The following TM4SF1 variants were observed in gnomAD, a reference collection of about 807,000 sequenced individuals.
TM4SF1 encodes transmembrane 4 L6 family member 1.
Under a neutral mutation model 24.5 loss-of-function variants are expected in TM4SF1, and 20 were observed. That is an observed-to-expected ratio of 0.82 (90% CI 0.57 to 1.19). The LOEUF (loss-of-function observed/expected upper bound fraction) is 1.19. Among genes scored for constraint, TM4SF1 ranks in the 50% most tolerant of loss-of-function variants. TM4SF1 has a pLI of 0.00. For missense variants in TM4SF1, 258 were observed against 248.1 expected (o/e 1.04, Z -0.27); for synonymous variants, 107 against 95.4 (o/e 1.12, Z -0.71).
At position 149,371,876 on chromosome 3, in the gene TM4SF1, A is replaced by G. The variant is rs759371514; in HGVS notation, c.414-9T>C. 1.2e-5 allele frequency: 20 copies of G among 1,613,488 alleles called. No homozygotes were observed. Among genetic ancestry groups the G allele is most frequent in the Non-Finnish European group, 1.6e-5 (19 of 1,179,780 alleles). ...AGGTATCCAGAAGGTACCTGTGGGT[A>G]AAAAGAGAAACTTCTGACACACGGT... On this transcript the variant is annotated splice_polypyrimidine_tract_variant and intron_variant, in intron 3 of 4. Transcript: ENST00000305366.
rs201251388 is a variant in TM4SF1, at chr3:149,373,050, C to T, written c.414-1183G>A. Among the ~76,000 whole-genome samples, 231 of 152,270 alleles carry T rather than the reference C, an allele frequency of 1.5e-3. 1 individual carries two copies. Among genetic ancestry groups the T allele is most frequent in the African/African-American group, 5.3e-3 (219 of 41,544 alleles). ...ATATGGAAGAGCCACAGAGGAAGGG[C>T]ATCTAACCTAGTCCAGGGAGAACAG... On this transcript the variant is annotated intron_variant, in intron 3 of 4. Transcript: ENST00000305366.
In TM4SF1 at chr3:149,369,772, A is replaced by G; in HGVS notation, c.*94T>C. On this transcript the variant is annotated 3_prime_UTR_variant, in exon 5 of 5. Coordinates refer to ENST00000305366, the MANE Select transcript of TM4SF1 (RefSeq NM_014220.3). ...AAAAGTAGACTGTGGGGAGTATGTT[A>G]CACTAATACAAAGTTTTACAAATGA... 2 of 1,519,750 alleles carry G rather than the reference A, an allele frequency of 1.3e-6. No homozygotes were observed. The highest frequency in any genetic ancestry group is 1.8e-6 in the Non-Finnish European group (2 of 1,104,654). 94.1% of individuals were successfully genotyped at this position (1,519,750 alleles called of 1,614,324 possible). A position where few individuals can be genotyped will look rare whatever the true frequency, so the allele number is the denominator to read the frequency against.
chr3:149,374,225 G>C (rs1299297784), intron 3 of TM4SF1, among the ~76,000 whole-genome samples: 1 of 152,176 alleles, frequency 6.6e-6, no homozygotes, highest in Non-Finnish European at 1.5e-5. Context: ...GAGATGCAGA[G>C]AGCTCATTTC....
At chr3:149,372,638 T>C (rs1273566605) in intron 3 of TM4SF1, among the ~76,000 whole-genome samples, 2 of 152,210 alleles carry the variant, frequency 1.3e-5, no homozygotes, top group East Asian at 3.9e-4. Flanking sequence ...CTTTACTTTT[T>C]TCTGAGACGG....
chr3:149,376,733 C>G (rs1485810096), intron 1 of TM4SF1, among the ~76,000 whole-genome samples: 2 of 152,160 alleles, frequency 1.3e-5, no homozygotes, highest in African/African-American at 4.8e-5. Flanking sequence ...GTGGTTGAAG[C>G]TAATGCTTTC....
chr3:149,375,967 T>C (rs1333135622), intron 1 of TM4SF1, among the ~76,000 whole-genome samples, 198 bp from the exon 2 acceptor site: 1 of 152,230 alleles, frequency 6.6e-6, no homozygotes, highest in African/African-American at 2.4e-5. Context: ...TTTCATGTAA[T>C]CTGTCAAAGC....
chr3:149,373,271 G>A (rs1731872986), intron 3 of TM4SF1, among the ~76,000 whole-genome samples: 2 of 152,224 alleles, frequency 1.3e-5, no homozygotes, highest in African/African-American at 4.8e-5. Flanking sequence ...GGTGATATCT[G>A]ACTATAGATT....
At chr3:149,373,899 T>A (rs968760420) in intron 3 of TM4SF1, among the ~76,000 whole-genome samples, 8 of 152,212 alleles carry the variant, frequency 5.3e-5, no homozygotes, top group African/African-American at 1.9e-4. Context: ...TTCTTAGAAG[T>A]CTGTTTGTGC....
rs749055221 is a variant in TM4SF1, at chr3:149,377,363, T to G, written c.177+8A>C. 6 of 1,611,064 alleles carry G rather than the reference T, an allele frequency of 3.7e-6. No homozygotes were observed. The African/African-American group carries it at 6.7e-5, about 18-fold the overall frequency. On this transcript the variant is annotated splice_region_variant and intron_variant, in intron 1 of 4. Coordinates refer to ENST00000305366, the MANE Select transcript of TM4SF1 (RefSeq NM_014220.3). ...GAGAGAATTCAGTAATAATCCTGAATGACTTACCAGCAGGCCACCTCCTAC... is the reference window on the plus strand; with the variant it reads ...GAGAGAATTCAGTAATAATCCTGAAGGACTTACCAGCAGGCCACCTCCTAC...
intron 3 of TM4SF1, among the ~76,000 whole-genome samples, chr3:149,372,416 T>C (rs1731846740): frequency 6.6e-6 from 1 of 152,190 alleles, no homozygotes; most frequent in Admixed American, 6.5e-5. Context: ...TAGTTTTTTT[T>C]TTGAACTTTA....
chr3:149,375,406 A>G (rs576760667), intron 3 of TM4SF1, 37 bp downstream of exon 3: 2 of 1,610,456 alleles, frequency 1.2e-6, no homozygotes, highest in African/African-American at 1.3e-5. Context: ...CATGTGGTGG[A>G]TAAAAATGTG....
rs117155364 is a variant in TM4SF1 at position 149,372,785 on chromosome 3, G to A, written c.414-918C>T. 1.3e-3 allele frequency among the ~76,000 whole-genome samples: 205 copies of A among 152,236 alleles called. 3 individuals carry two copies. Among genetic ancestry groups the A allele is most frequent in the East Asian group, 7.7e-4 (4 of 5,170 alleles). On this transcript the variant is annotated intron_variant, in intron 3 of 4. Transcript: ENST00000305366. ...ATTACAGGCGTGAACCACCACGCCC[G>A]GCTGATAGCTCTTCACTTTCATGAT...
chr3:149,371,319 C>T, intron 4 of TM4SF1: 1 of 406,602 alleles, frequency 2.5e-6, no homozygotes, highest in South Asian at 3.4e-5. Flanking sequence ...GAATGGTTGG[C>T]TATTACTTAT....
At chr3:149,371,421 C>A in intron 4 of TM4SF1, 2 of 579,906 alleles carry the variant, frequency 3.4e-6, no homozygotes, top group South Asian at 2.2e-5. Flanking sequence ...GAATTAGATC[C>A]TGAAGGGAGC....
Position 149,371,839 on chromosome 3 carries a change from C to G in TM4SF1, c.442G>C (p.Glu148Gln). The G allele has an allele frequency of 6.2e-7, 1 of 1,613,918 alleles. No homozygotes were observed. Among genetic ancestry groups the G allele is most frequent in the Non-Finnish European group, 8.5e-7 (1 of 1,179,954 alleles). ...QYLLDTSTWS[E>Q]CTEPKHIVEW... ...ACAATGTGCTTGGGTTCAGTGCACT[C>G]GGACCATGTGGAGGTATCCAGAAGG... Residue 148 changes from glutamate (E) to glutamine (Q), a missense_variant, in exon 4 of 5, where the codon GAG becomes CAG. Coordinates refer to ENST00000305366, the MANE Select transcript of TM4SF1 (RefSeq NM_014220.3).
Position 149,377,517 on chromosome 3 carries a change from C to T in TM4SF1, c.31G>A (p.Gly11Arg), listed in dbSNP as rs140965437. The change falls in exon 1 of 5, where the codon GGA becomes AGA. Residue 11 changes from glycine to arginine, a missense_variant. Gly to Arg is a moderately radical substitution (Grantham distance 125, BLOSUM62 -2). Coordinates refer to ENST00000305366, the MANE Select transcript of TM4SF1 (RefSeq NM_014220.3). ...AGGGCGAGCCCCACCAGAGAATGTC[C>T]GATGCATCGTGCACACTTCCCATAG... MCYGKCARCI[G>R]HSLVGLALLC... is the part of the protein sequence containing the mutation. 4.2e-5 allele frequency: 68 copies of T among 1,613,804 alleles called. No individual in the cohort carries two copies. Among genetic ancestry groups the T allele is most frequent in the Middle Eastern group, 3.4e-4 (2 of 5,970 alleles).
chr3:149,369,893 T>C lies in TM4SF1; in HGVS notation c.595-13A>G. ...AGCAGTCATATTGCTGTAGAGAAAA[T>C]AAAATACCATTAGGCTATAATCAGG... is the stretch of plus-strand genomic sequence containing the variant. On this transcript the variant is annotated splice_polypyrimidine_tract_variant and intron_variant, in intron 4 of 4. Transcript: ENST00000305366. 2 of 1,601,126 alleles carry C rather than the reference T, an allele frequency of 1.2e-6. No homozygotes were observed. Among genetic ancestry groups the C allele is most frequent in the Non-Finnish European group, 8.5e-7 (1 of 1,176,570 alleles).
chr3:149,371,374 C>CTTTTTT, intron 4 of TM4SF1: 1 of 542,104 alleles, frequency 1.8e-6, no homozygotes, highest in Non-Finnish European at 3.3e-6. Flanking sequence ...GCAGACATCA[C>CTTTTTT]TTTTTTTTCT....
At chr3:149,375,340 G>T in intron 3 of TM4SF1, 103 bp downstream of exon 3, 1 of 1,431,204 alleles carries the variant, frequency 7.0e-7, no homozygotes, top group Non-Finnish European at 9.6e-7. Context: ...TGGCTAGGTG[G>T]GTGGATGGAT....
Sources: gnomAD v4.1 joint callset for allele counts (sites outside exome capture counted in the v4.1 genomes callset) on GRCh38, gnomAD v4.1.1 for gene constraint, MANE v1.5 for transcripts, NCBI Gene and HGNC (gene_info 2026-07-23, HGNC 2026-07-21) for gene names.